Variants in PTPRK observed in about 807,000 individuals in gnomAD.
PTPRK encodes the protein protein tyrosine phosphatase receptor type K.
PTPRK carries 75 observed loss-of-function variants against 178.0 expected under a neutral mutation model. The ratio of observed to expected loss-of-function variants is 0.42; its 90% CI spans 0.35 to 0.51. The LOEUF (loss-of-function observed/expected upper bound fraction) is 0.51, where lower values mean the gene tolerates loss of function less well. Ranked by LOEUF, PTPRK falls within the 20% of genes least tolerant of loss-of-function variation. The pLI is 0.02. For synonymous variants in PTPRK, 637 were observed against 620.6 expected, an observed-to-expected ratio of 1.03 and a Z score of -0.39; for missense variants, 1,441 against 1,797.8, an observed-to-expected ratio of 0.80 and a Z score of 3.59.
chr6:128,274,848 G>T (rs1425078952), intron 3 of PTPRK, among the ~76,000 whole-genome samples: 1 of 151,794 alleles, frequency 6.6e-6, no homozygotes, highest in African/African-American at 2.4e-5. Flanking sequence ...CAAATTTCTG[G>T]CCTCAGCTAA....
chr6:128,508,775 T>C (rs1009918855), intron 1 of PTPRK, among the ~76,000 whole-genome samples: 12 of 151,742 alleles, frequency 7.9e-5, no homozygotes, highest in South Asian at 4.1e-4. Flanking sequence ...AAATCCCGCC[T>C]CTACTAAAAA....
chr6:128,439,470 T>C (rs1486664318), intron 1 of PTPRK, among the ~76,000 whole-genome samples: 2 of 152,170 alleles, frequency 1.3e-5, no homozygotes, highest in Non-Finnish European at 2.9e-5. Flanking sequence ...AATTCAAGCA[T>C]GAAAAAATTA....
intron 5 of PTPRK, among the ~76,000 whole-genome samples, chr6:128,228,219 G>A (rs1257731111): frequency 1.3e-5 from 2 of 151,732 alleles, no homozygotes; most frequent in South Asian, 2.1e-4. Context: ...GTGAAAAAGG[G>A]GTAATTTTTA....
intron 3 of PTPRK, among the ~76,000 whole-genome samples, chr6:128,304,937 C>T (rs531968879): frequency 7.2e-5 from 11 of 152,258 alleles, no homozygotes; most frequent in Admixed American, 1.3e-4. Flanking sequence ...CATATACCAC[C>T]GTGCTGCTCA....
intron 2 of PTPRK, among the ~76,000 whole-genome samples, chr6:128,325,416 A>G (rs1270948354): frequency 6.6e-6 from 1 of 152,198 alleles, no homozygotes; most frequent in Non-Finnish European, 1.5e-5. Context: ...AATTTTTACA[A>G]TCTATCCATT....
chr6:128,300,114 T>G (rs1034379040), intron 3 of PTPRK, among the ~76,000 whole-genome samples: 1 of 151,956 alleles, frequency 6.6e-6, no homozygotes. Context: ...CAAAAACACG[T>G]GAAAAAATGC....
At chr6:128,421,635 C>A (rs117923942) in intron 1 of PTPRK, among the ~76,000 whole-genome samples, 1 of 152,116 alleles carries the variant, frequency 6.6e-6, no homozygotes, top group Admixed American at 6.5e-5. Flanking sequence ...AGTAACTACA[C>A]AAGAGAACAC....
intron 2 of PTPRK, among the ~76,000 whole-genome samples, chr6:128,378,564 GA>G (rs998480425): frequency 8.6e-5 from 13 of 151,926 alleles, no homozygotes; most frequent in African/African-American, 3.1e-4. Context: ...AAATAAGCAT[GA>G]AAAAAATTTC....
intron 7 of PTPRK, among the ~76,000 whole-genome samples, chr6:128,109,045 T>A (rs1389421531): frequency 2.6e-5 from 4 of 152,108 alleles, no homozygotes; most frequent in Non-Finnish European, 2.9e-5. Flanking sequence ...ATTTAGCTCA[T>A]AATACACAGA....
intron 7 of PTPRK, among the ~76,000 whole-genome samples, chr6:128,110,802 G>A (rs1308245709): frequency 6.6e-6 from 1 of 152,108 alleles, no homozygotes; most frequent in African/African-American, 2.4e-5. Flanking sequence ...TTGCCAAACT[G>A]AAGTATGTTG....
chr6:128,050,297 G>A (rs140003581), intron 13 of PTPRK, among the ~76,000 whole-genome samples: 153 of 152,250 alleles, frequency 1.0e-3, no homozygotes, highest in African/African-American at 3.5e-3. Context: ...TGTTCTTAAT[G>A]TATCACAGAC....
chr6:128,009,328 T>C, intron 13 of PTPRK, 60 bp from the exon 14 acceptor site: 1 of 1,511,606 alleles, frequency 6.6e-7, no homozygotes, highest in South Asian at 1.2e-5. Flanking sequence ...AGAAAAAAAT[T>C]ATTCCCAGTA....
Position 127,997,027 on chromosome 6 carries a change from C to G in PTPRK, c.2680-39G>C, listed in dbSNP as rs757777902. On this transcript the variant is annotated intron_variant, in intron 16 of 29. Transcript: ENST00000368226. The stretch of plus-strand genomic sequence containing the variant: ...ACGAATAAGCAGACTGAATTTAATT[C>G]CTTTTTAAAAATCAGGTTTATCTGT... The G allele has an allele frequency of 1.5e-5, 23 of 1,583,524 alleles. No homozygotes were observed. The Admixed American group carries it at 2.1e-4, about 14-fold the overall frequency.
intron 1 of PTPRK, among the ~76,000 whole-genome samples, chr6:128,512,437 C>T (rs904911154): frequency 1.3e-5 from 2 of 152,040 alleles, no homozygotes; most frequent in South Asian, 4.1e-4. Context: ...GCCATAACCA[C>T]GTCATTATGC....
At chr6:128,167,851 A>G (rs1799642046) in intron 7 of PTPRK, among the ~76,000 whole-genome samples, 1 of 152,072 alleles carries the variant, frequency 6.6e-6, no homozygotes, top group South Asian at 2.1e-4. Context: ...AATTCAATTT[A>G]GGACTAATTT....
intron 16 of PTPRK, among the ~76,000 whole-genome samples, chr6:127,997,723 C>A (rs944030054): frequency 1.3e-5 from 2 of 152,020 alleles, no homozygotes; most frequent in African/African-American, 4.8e-5. Context: ...CCAGCTCTGG[C>A]AGAATAGTCT....
chr6:127,999,583 G>C (rs1381756515), intron 15 of PTPRK, among the ~76,000 whole-genome samples: 1 of 152,038 alleles, frequency 6.6e-6, no homozygotes, highest in Non-Finnish European at 1.5e-5. Flanking sequence ...AGAAATCAGG[G>C]CGCGCTTCTG....
intron 8 of PTPRK, 77 bp downstream of exon 8, chr6:128,089,613 C>A: frequency 7.2e-7 from 1 of 1,384,280 alleles, no homozygotes; most frequent in Middle Eastern, 2.3e-4. Flanking sequence ...ATTGGACAAT[C>A]TTAGGAAAAT....
chr6:128,116,799 G>T (rs1791596562), intron 7 of PTPRK, among the ~76,000 whole-genome samples: 1 of 152,192 alleles, frequency 6.6e-6, no homozygotes, highest in East Asian at 1.9e-4. Flanking sequence ...AATCATTTAT[G>T]AAGAGACAAA....
Sources: allele counts gnomAD v4.1 joint callset (sites outside exome capture counted in the v4.1 genomes callset), GRCh38; gene constraint gnomAD v4.1.1; transcripts MANE v1.5; gene names NCBI Gene and HGNC (gene_info 2026-07-23, HGNC 2026-07-21).